KIF1B: variants seen among roughly 807,000 people sequenced by gnomAD.
KIF1B encodes kinesin family member 1B, also known as kinesin-like protein KIF1B.
In KIF1B, 76 loss-of-function variants were observed where a neutral mutation model predicts 241.9. The ratio of observed to expected loss-of-function variants is 0.31; its 90% CI spans 0.26 to 0.38. The LOEUF (loss-of-function observed/expected upper bound fraction) is 0.38. KIF1B is among the 10% of genes least tolerant of loss of function. The pLI is 1.00. For synonymous variants in KIF1B, 750 were observed against 796.7 expected, an observed-to-expected ratio of 0.94 and a Z score of 0.99; for missense variants, 1,622 against 2,271.4, an observed-to-expected ratio of 0.71 and a Z score of 5.81.
chr1:10,345,361 G>T (rs1652551032), intron 34 of KIF1B, among the ~76,000 whole-genome samples: 1 of 152,158 alleles, frequency 6.6e-6, no homozygotes, highest in South Asian at 2.1e-4. Context: ...TCTGGGATGT[G>T]TCCTGGACTT....
intron 22 of KIF1B, among the ~76,000 whole-genome samples, chr1:10,311,929 C>T (rs34225619): frequency 0.27 from 40,321 of 151,186 alleles, 5,912 homozygotes; most frequent in Admixed American, 0.33. Context: ...CTCACAACAC[C>T]CCTCTTCTGT....
intron 22 of KIF1B, among the ~76,000 whole-genome samples, chr1:10,312,342 C>G (rs1651103935): frequency 6.6e-6 from 1 of 151,486 alleles, no homozygotes; most frequent in African/African-American, 2.5e-5. Flanking sequence ...TGCTAATAAC[C>G]TGGTCCAAGC....
chr1:10,329,489 C>T (rs1218444019), intron 27 of KIF1B, among the ~76,000 whole-genome samples: 1 of 152,148 alleles, frequency 6.6e-6, no homozygotes, highest in South Asian at 2.1e-4. Context: ...AATCCCAGCA[C>T]TTTGGGAGGC....
chr1:10,245,493 T>C (rs1300516491), intron 2 of KIF1B, among the ~76,000 whole-genome samples: 1 of 152,192 alleles, frequency 6.6e-6, no homozygotes, highest in Non-Finnish European at 1.5e-5. Flanking sequence ...AAGGTTAGTG[T>C]TGGCTACACC....
chr1:10,323,540 T>C (rs1651604433), intron 24 of KIF1B, among the ~76,000 whole-genome samples: 1 of 152,140 alleles, frequency 6.6e-6, no homozygotes, highest in African/African-American at 2.4e-5. Context: ...TAGGATCACC[T>C]GAGCCTAGGA....
chr1:10,362,738 A>T (rs1638458863), intron 40 of KIF1B, among the ~76,000 whole-genome samples: 1 of 152,128 alleles, frequency 6.6e-6, no homozygotes, highest in Admixed American at 6.6e-5. Flanking sequence ...CTAGTTTATC[A>T]TTCAATTTTA....
At chr1:10,334,785 C>T in intron 28 of KIF1B, 147 bp downstream of exon 28, 1 of 703,900 alleles carries the variant, frequency 1.4e-6, no homozygotes, top group East Asian at 2.8e-5. Flanking sequence ...TTGGAGAAAG[C>T]CTTTATTGCT....
chr1:10,213,935 G>C (rs1413504589), intron 1 of KIF1B, among the ~76,000 whole-genome samples: 2 of 151,724 alleles, frequency 1.3e-5, no homozygotes, highest in Non-Finnish European at 2.9e-5. Context: ...TCAAGAGTTT[G>C]AGACAAGCTT....
intron 24 of KIF1B, among the ~76,000 whole-genome samples, chr1:10,322,140 C>T (rs986221281): frequency 2.0e-5 from 3 of 152,074 alleles, no homozygotes; most frequent in Non-Finnish European, 4.4e-5. Context: ...AAAAATACTT[C>T]TCTTGGGTTT....
intron 37 of KIF1B, among the ~76,000 whole-genome samples, chr1:10,351,611 T>C (rs977996968): frequency 6.6e-6 from 1 of 152,176 alleles, no homozygotes; most frequent in Non-Finnish European, 1.5e-5. Flanking sequence ...TATGCAATGC[T>C]GCATCCGCTA....
chr1:10,330,185 A>T (rs1651870648), intron 27 of KIF1B, among the ~76,000 whole-genome samples: 1 of 152,196 alleles, frequency 6.6e-6, no homozygotes, highest in African/African-American at 2.4e-5. Flanking sequence ...TAATTATGAA[A>T]ATTCTGTTTA....
At chr1:10,222,432 C>T (rs984298506) in intron 1 of KIF1B, among the ~76,000 whole-genome samples, 2 of 152,122 alleles carry the variant, frequency 1.3e-5, no homozygotes, top group African/African-American at 4.8e-5. Context: ...CTGTGGCAAC[C>T]AACTGAAGGT....
chr1:10,314,172 G>A (rs1334200697), intron 22 of KIF1B, among the ~76,000 whole-genome samples: 2 of 150,806 alleles, frequency 1.3e-5, no homozygotes, highest in African/African-American at 2.5e-5. Context: ...ATGAGCCACC[G>A]CGTCCAGCCA....
Position 10,232,239 on chromosome 1 carries a change from T to C in KIF1B, c.-79-11T>C. 1.0e-6 allele frequency: 1 copy of C among 983,026 alleles called. No homozygotes were observed. The highest frequency in any genetic ancestry group is 1.6e-5 in the African/African-American group (1 of 62,098). The allele number at this position is 983,026 out of a possible 1,614,324, so 60.9% of individuals were successfully genotyped here. On this transcript the variant is annotated splice_polypyrimidine_tract_variant and intron_variant, in intron 1 of 48. Transcript: ENST00000676179. ...CTGACTACCTCATATGGAATTTTTT[T>C]CTTTTCAAAGGAAACTTGGCTGTAA...
intron 34 of KIF1B, 96 bp downstream of exon 34, chr1:10,343,383 ATTC>A: frequency 9.0e-7 from 1 of 1,105,194 alleles, no homozygotes; most frequent in Non-Finnish European, 1.4e-6. Context: ...TTGAATTCCT[ATTC>A]TTCTATATAT....
At chr1:10,307,685 C>T (rs1650896656) in intron 22 of KIF1B, 1 of 1,020,846 alleles carries the variant, frequency 9.8e-7, no homozygotes, top group African/African-American at 1.7e-5. Context: ...TAATTTAAAC[C>T]ATTATTATAT....
chr1:10,221,707 ATTCT>A (rs1279554594), intron 1 of KIF1B, among the ~76,000 whole-genome samples: 6 of 152,228 alleles, frequency 3.9e-5, no homozygotes, highest in African/African-American at 1.4e-4. Context: ...ATACATATTC[ATTCT>A]TTAAATTATA....
intron 10 of KIF1B, chr1:10,275,002 T>G: frequency 3.0e-6 from 1 of 335,836 alleles, no homozygotes; most frequent in East Asian, 8.9e-5. Context: ...GTCATTGTTT[T>G]CTGTGTAAGA....
chr1:10,233,529 A>G (rs1647008527), intron 2 of KIF1B, among the ~76,000 whole-genome samples: 2 of 152,096 alleles, frequency 1.3e-5, no homozygotes, highest in South Asian at 4.2e-4. Context: ...AAAAAAATTT[A>G]AAAGTAGAAG....
Sources: allele counts gnomAD v4.1 joint callset (sites outside exome capture counted in the v4.1 genomes callset), GRCh38; gene constraint gnomAD v4.1.1; transcripts MANE v1.5; gene names NCBI Gene and HGNC (gene_info 2026-07-23, HGNC 2026-07-21).